Variants in TGM5 observed in about 807,000 individuals in gnomAD.
The protein encoded by TGM5 is transglutaminase 5.
A neutral mutation model predicts 77.2 loss-of-function variants in TGM5; 69 were observed. The observed-to-expected ratio is 0.89, with a 90% CI of 0.74 to 1.09. The LOEUF (loss-of-function observed/expected upper bound fraction) is 1.09. Ranked by LOEUF, TGM5 falls within the 50% of genes least tolerant of loss-of-function variation. TGM5 has a pLI of 0.00. For synonymous variants in TGM5, 346 were observed against 351.8 expected, an observed-to-expected ratio of 0.98 and a Z score of 0.18; for missense variants, 842 against 896.5, an observed-to-expected ratio of 0.94 and a Z score of 0.78.
intron 9 of TGM5, 103 bp from the exon 10 acceptor site, chr15:43,235,940 G>A (rs1336059664): frequency 2.0e-6 from 3 of 1,513,906 alleles, no homozygotes; most frequent in African/African-American, 2.7e-5. Context: ...ACAACTTCAG[G>A]CCTTCACTCC....
Position 43,252,796 on chromosome 15 carries a change from G to A in TGM5, c.825C>T (p.Tyr275=), listed in dbSNP as rs138771869. Residue 275 remains tyrosine (Y), a synonymous_variant, in exon 6 of 13, where the codon TAC becomes TAT. Coordinates refer to ENST00000220420, the MANE Select transcript of TGM5 (RefSeq NM_201631.4). ...WNATGCQPVR[Y]GQCWVFAAVM... ...CGGCAGCAAAGACCCAGCATTGCCC[G>A]TAGCGCACGGGCTGGCAGCCTGTGG... 1.2e-4 allele frequency: 190 copies of A among 1,614,038 alleles called. No homozygotes were observed. Among genetic ancestry groups the A allele is most frequent in the East Asian group, 8.2e-4 (37 of 44,884 alleles).
Position 43,239,080 on chromosome 15 carries a change from G to T in TGM5, c.1106-24C>A, listed in dbSNP as rs562176680. The stretch of plus-strand genomic sequence containing the variant: ...GCCTGAAGGAGAACAGGGGAGCCTC[G>T]GTGGGCTGTTTGTTGCAGGGCTGGG... On this transcript the variant is annotated intron_variant, in intron 8 of 12. Coordinates refer to ENST00000220420, the MANE Select transcript of TGM5 (RefSeq NM_201631.4). The T allele has an allele frequency of 5.0e-6, 8 of 1,614,000 alleles. No individual in the cohort carries two copies. The South Asian group carries it at 7.7e-5, about 16-fold the overall frequency.
rs2042583104 is a variant in TGM5 at position 43,235,569 on chromosome 15, G to A, written c.1614C>T (p.Asp538=). The change falls in exon 10 of 13, where the codon GAC becomes GAT. Residue 538 remains aspartate, a synonymous_variant. Coordinates refer to ENST00000220420, the MANE Select transcript of TGM5 (RefSeq NM_201631.4). ...LALNMSSQFK[D]LKVNLSAQSL... The stretch of plus-strand genomic sequence containing the variant: ...ACTGGGCACTCAGGTTCACTTTGAG[G>A]TCCTTGAACTGGGAGGACATGTTGA... 6.2e-7 allele frequency: 1 copy of A among 1,614,224 alleles called. No individual in the cohort carries two copies. The highest frequency in any genetic ancestry group is 8.5e-7 in the Non-Finnish European group (1 of 1,180,040).
rs1388692910 is a variant in TGM5 at position 43,266,884 on chromosome 15, A to G, written c.-35T>C. ...CTCCGGTTCCTGGGATGCTCCCCACAGAACAGCTGGGCGGTCTGGAGCTTC... is the reference window on the plus strand; with the variant it reads ...CTCCGGTTCCTGGGATGCTCCCCACGGAACAGCTGGGCGGTCTGGAGCTTC... On this transcript the variant is annotated 5_prime_UTR_variant, in exon 1 of 13. Transcript: ENST00000220420. 3 of 1,613,742 alleles carry G rather than the reference A, an allele frequency of 1.9e-6. No homozygotes were observed. Among genetic ancestry groups the G allele is most frequent in the Non-Finnish European group, 2.5e-6 (3 of 1,180,000 alleles).
intron 3 of TGM5, among the ~76,000 whole-genome samples, chr15:43,259,457 A>G (rs1285538542): frequency 6.6e-6 from 1 of 152,232 alleles, no homozygotes; most frequent in Non-Finnish European, 1.5e-5. Context: ...TAAATTAAAA[A>G]AAAAAAAAAG....
chr15:43,251,091 T>C lies in TGM5; in HGVS notation c.862+1668A>G, dbSNP rs557016286. On this transcript the variant is annotated intron_variant, in intron 6 of 12. Coordinates refer to ENST00000220420, the MANE Select transcript of TGM5 (RefSeq NM_201631.4). ...GGTTCTCTCTCTATCTTATACAAGATCTAGTCTCTACCTGTCAGTCTTGTG... is the reference window on the plus strand; with the variant it reads ...GGTTCTCTCTCTATCTTATACAAGACCTAGTCTCTACCTGTCAGTCTTGTG... Among the ~76,000 whole-genome samples, 3 of 152,292 alleles carry C rather than the reference T, an allele frequency of 2.0e-5. No homozygotes were observed. The East Asian group carries it at 5.8e-4, about 29-fold the overall frequency.
intron 3 of TGM5, among the ~76,000 whole-genome samples, chr15:43,257,303 T>C (rs528096332): frequency 9.8e-5 from 15 of 152,312 alleles, no homozygotes; most frequent in South Asian, 6.2e-4. Flanking sequence ...TCCCATACCA[T>C]AGAGACGTAA....
intron 6 of TGM5, 33 bp from the exon 7 acceptor site, chr15:43,241,023 G>A: frequency 1.2e-6 from 2 of 1,614,060 alleles, no homozygotes; most frequent in South Asian, 1.1e-5. Context: ...TCACCTGTGA[G>A]CTGTAGATTC....
In TGM5 at chr15:43,261,069, TGTGTG is replaced by T. The variant is rs1566837419; in HGVS notation, c.11-495_11-491del. Among the ~76,000 whole-genome samples the T allele has an allele frequency of 3.6e-4, 8 of 22,026 alleles. 1 individual carries two copies. Among genetic ancestry groups the T allele is most frequent in the African/African-American group, 1.3e-3 (7 of 5,450 alleles). The allele number at this position is 22,026 out of a possible 152,430, so 14.4% of individuals were successfully genotyped here. ...GGGCTAGCTGCTCTTCCTTTTTTTG[TGTGTG>T]TGTTTTTTTTTTTTTTTTTTTTTTT... is the stretch of plus-strand genomic sequence containing the variant. On this transcript the variant is annotated intron_variant, in intron 1 of 12. Coordinates refer to ENST00000220420, the MANE Select transcript of TGM5 (RefSeq NM_201631.4).
intron 6 of TGM5, among the ~76,000 whole-genome samples, chr15:43,241,693 C>A (rs746531577): frequency 1.3e-5 from 2 of 151,804 alleles, no homozygotes; most frequent in East Asian, 1.9e-4. Context: ...TTTTTGAAGT[C>A]AAAAAAATCG....
intron 9 of TGM5, among the ~76,000 whole-genome samples, chr15:43,237,590 C>G (rs1482406324): frequency 6.6e-6 from 1 of 151,932 alleles, no homozygotes; most frequent in East Asian, 1.9e-4. Context: ...ACTCTATTGC[C>G]TAGGCTGGAG....
At position 43,260,185 on chromosome 15, in the gene TGM5, C is replaced by G. The variant is rs754422250; in HGVS notation, c.303G>C (p.Glu101Asp). 21 of 1,614,094 alleles carry G rather than the reference C, an allele frequency of 1.3e-5. No homozygotes were observed. The South Asian group carries it at 1.4e-4, about 11-fold the overall frequency. Residue 101 changes from glutamate (E) to aspartate (D), a missense_variant, in exon 3 of 13, where the codon GAG becomes GAC. Physicochemically the swap from Glu to Asp is conservative, Grantham distance 45 (BLOSUM62 2). Around this residue, in one of 2 missense-constraint regions of TGM5, gnomAD observed 815 missense variants for 844.6 expected, o/e 0.96. Transcript: ENST00000220420. ...CCGTGGGAGGAGCGCACAAGCTCAC[C>G]TCTGTGGAGGTGGCCCCATTGGTCT... ...WLETNGATST[E>D]VSLCAPPTAA...
At chr15:43,237,257 G>A (rs1276307533) in intron 9 of TGM5, among the ~76,000 whole-genome samples, 1 of 152,158 alleles carries the variant, frequency 6.6e-6, no homozygotes, top group African/African-American at 2.4e-5. Flanking sequence ...TCAAATTGCA[G>A]CCCCTGCAAC....
At chr15:43,240,651 T>C (rs1009957764) in intron 7 of TGM5, among the ~76,000 whole-genome samples, 5 of 150,978 alleles carry the variant, frequency 3.3e-5, no homozygotes, top group Admixed American at 3.3e-4. Context: ...CCAAATGGGC[T>C]TTGTTCAGAT....
chr15:43,256,175 T>TC (rs2042740893), intron 4 of TGM5, among the ~76,000 whole-genome samples: 1 of 152,106 alleles, frequency 6.6e-6, no homozygotes, highest in African/African-American at 2.4e-5. Flanking sequence ...TAGGGGTCAG[T>TC]CACCAAGGGT....
chr15:43,266,751 C>A, intron 1 of TGM5, 89 bp downstream of exon 1: 1 of 1,529,626 alleles, frequency 6.5e-7, no homozygotes, highest in South Asian at 1.1e-5. Context: ...CTTTATTTCT[C>A]TGAATCCACC....
chr15:43,249,967 A>G (rs2042693321), intron 6 of TGM5, among the ~76,000 whole-genome samples: 1 of 152,192 alleles, frequency 6.6e-6, no homozygotes, highest in Admixed American at 6.5e-5. Flanking sequence ...CTGCTTCCTC[A>G]TCTGTGAAAT....
rs1158996634 is a variant in TGM5, at chr15:43,235,468, CCTT to C, written c.1712_1714del (p.Glu571del). 6.2e-7 allele frequency: 1 copy of C among 1,614,100 alleles called. No homozygotes were observed. Among genetic ancestry groups the C allele is most frequent in the Non-Finnish European group, 8.5e-7 (1 of 1,180,028 alleles). On this transcript the variant is annotated inframe_deletion and splice_region_variant, in exon 10 of 13. Transcript: ENST00000220420. ...CGTACACAAACTGTGCACATGCGTA[CCTT>C]CTTTAGGAGAGAGTGTGATGAACGC...
chr15:43,254,768 C>T (rs561906737), intron 4 of TGM5, among the ~76,000 whole-genome samples: 2 of 152,120 alleles, frequency 1.3e-5, no homozygotes, highest in South Asian at 2.1e-4. Flanking sequence ...TCCCACTATC[C>T]TTCACTTGGC....
Sources: allele counts gnomAD v4.1 joint callset (sites outside exome capture counted in the v4.1 genomes callset), GRCh38; gene constraint gnomAD v4.1.1; regional missense constraint gnomAD v4.1.1; transcripts MANE v1.5; gene names NCBI Gene and HGNC (gene_info 2026-07-23, HGNC 2026-07-21).